The following NAPB variants were observed in gnomAD, a reference collection of about 807,000 sequenced individuals.
NAPB encodes the protein beta-soluble NSF attachment protein.
NAPB carries 26 observed loss-of-function variants against 44.7 expected under a neutral mutation model. The ratio of observed to expected loss-of-function variants is 0.58; its 90% confidence interval spans 0.43 to 0.81. NAPB has a LOEUF of 0.81. Among genes scored for constraint, NAPB ranks in the 30% least tolerant of loss-of-function variants. The pLI is 0.00. For synonymous variants in NAPB, 120 were observed against 116.8 expected (o/e 1.03, Z -0.18); for missense variants, 315 against 356.4 (o/e 0.88, Z 0.94).
chr20:23,408,704 C>T (rs980831205), intron 1 of NAPB, among the ~76,000 whole-genome samples: 7 of 152,056 alleles, frequency 4.6e-5, no homozygotes, highest in Non-Finnish European at 7.4e-5. Flanking sequence ...AGATTTCTTC[C>T]GTGGAGGAGA....
intron 7 of NAPB, among the ~76,000 whole-genome samples, chr20:23,389,241 A>AC (rs1191088469): frequency 2.0e-5 from 3 of 151,400 alleles, no homozygotes; most frequent in East Asian, 1.9e-4. Context: ...TAAAAAAAAA[A>AC]AAAAAAAAAA....
chr20:23,397,286 TGAAA>T, intron 2 of NAPB, 98 bp from the exon 3 acceptor site: 1 of 1,382,474 alleles, frequency 7.2e-7, no homozygotes, highest in Non-Finnish European at 9.6e-7. Context: ...TATATTCCAC[TGAAA>T]AGAAGCATTC....
At chr20:23,381,145 G>A in intron 8 of NAPB, 68 bp downstream of exon 8, 1 of 1,058,342 alleles carries the variant, frequency 9.4e-7, no homozygotes, top group East Asian at 2.4e-5. Context: ...ATGATACCAA[G>A]AACAAGAGAG....
chr20:23,379,374 A>T (rs972298194), intron 10 of NAPB, 71 bp downstream of exon 10: 1 of 1,197,626 alleles, frequency 8.3e-7, no homozygotes, highest in African/African-American at 1.5e-5. Context: ...AATTCACATA[A>T]TGAAAAGGAA....
At chr20:23,407,176 A>C (rs537576937) in intron 1 of NAPB, among the ~76,000 whole-genome samples, 1 of 152,332 alleles carries the variant, frequency 6.6e-6, no homozygotes, top group East Asian at 1.9e-4. Flanking sequence ...ATTTGTCATA[A>C]ACTGACCATA....
At chr20:23,415,792 C>A (rs1985967099) in intron 1 of NAPB, among the ~76,000 whole-genome samples, 1 of 152,072 alleles carries the variant, frequency 6.6e-6, no homozygotes, top group African/African-American at 2.4e-5. Flanking sequence ...CATAGCAAGA[C>A]CCTGTCTCTA....
intron 4 of NAPB, 65 bp from the exon 5 acceptor site, chr20:23,395,064 A>G: frequency 6.2e-7 from 1 of 1,612,696 alleles, no homozygotes; most frequent in South Asian, 1.1e-5. Flanking sequence ...GTTTGGGAAC[A>G]TAAAAAAGAA....
chr20:23,391,759 C>T (rs142334357), intron 5 of NAPB, among the ~76,000 whole-genome samples: 154 of 152,320 alleles, frequency 1.0e-3, no homozygotes, highest in Middle Eastern at 3.4e-3. Flanking sequence ...TTTTACACGT[C>T]GCAAAATGCT....
intron 1 of NAPB, among the ~76,000 whole-genome samples, chr20:23,403,530 G>A (rs959758162): frequency 6.7e-6 from 1 of 148,470 alleles, no homozygotes; most frequent in Non-Finnish European, 1.5e-5. Flanking sequence ...TTGAACCTGG[G>A]AGGCAGAGGT....
chr20:23,412,423 G>T (rs544629124), intron 1 of NAPB, among the ~76,000 whole-genome samples: 1 of 152,146 alleles, frequency 6.6e-6, no homozygotes, highest in South Asian at 2.1e-4. Context: ...GTAGAATTTG[G>T]GCTCAAAGGC....
intron 5 of NAPB, among the ~76,000 whole-genome samples, chr20:23,391,894 A>G (rs1983987489): frequency 6.6e-6 from 1 of 152,246 alleles, no homozygotes; most frequent in African/African-American, 2.4e-5. Context: ...TGAGGGAGCT[A>G]GCAGTCTCTG....
chr20:23,399,633 G>C (rs1984678841), intron 2 of NAPB, among the ~76,000 whole-genome samples: 1 of 152,226 alleles, frequency 6.6e-6, no homozygotes, highest in Non-Finnish European at 1.5e-5. Context: ...AACTGAAGAA[G>C]CCCTGCTGGC....
At position 23,421,323 on chromosome 20, in the gene NAPB, A is replaced by G. The variant is rs1320057089; in HGVS notation, c.80T>C (p.Phe27Ser). Residue 27 changes from phenylalanine (F) to serine (S), a missense_variant, in exon 1 of 11, where the codon TTC becomes TCC. Physicochemically the swap from Phe to Ser is radical, Grantham distance 155. Coordinates refer to ENST00000377026, the MANE Select transcript of NAPB (RefSeq NM_022080.3). ...CGCTCACCCAAACAGCCCTCGGAGG[A>G]AGGAGTGGGAGGCCTTGACTCGCTT... ...AEKRVKASHS[F>S]LRGLFGGNTR... 3.8e-6 allele frequency: 6 copies of G among 1,563,060 alleles called. No homozygotes were observed. In the Admixed American group the frequency reaches 9.3e-5, roughly 24 times the overall value.
intron 1 of NAPB, among the ~76,000 whole-genome samples, chr20:23,415,284 G>A (rs1432979881): frequency 6.6e-6 from 1 of 152,142 alleles, no homozygotes; most frequent in African/African-American, 2.4e-5. Context: ...AAGACTCAGA[G>A]AACTTTACTT....
chr20:23,376,785 T>C lies in NAPB; in HGVS notation c.*591A>G, dbSNP rs774644467. ...GAAAGCTCCCTTCCTCACAATGTGA[T>C]GCCTACAGACCCTGGCTATTCTAAA... On this transcript the variant is annotated 3_prime_UTR_variant, in exon 11 of 11. Coordinates refer to ENST00000377026, the MANE Select transcript of NAPB (RefSeq NM_022080.3). 1 of 152,236 alleles carries C rather than the reference T, an allele frequency of 6.6e-6. No individual in the cohort carries two copies. The highest frequency in any genetic ancestry group is 1.5e-5 in the Non-Finnish European group (1 of 68,056). 9.4% of individuals were successfully genotyped at this position (152,236 alleles called of 1,614,324 possible).
chr20:23,417,178 G>A (rs550470179), intron 1 of NAPB, among the ~76,000 whole-genome samples: 19 of 150,478 alleles, frequency 1.3e-4, no homozygotes, highest in African/African-American at 4.7e-4. Flanking sequence ...CCACCTCCAA[G>A]GTTCAAGTGA....
intron 1 of NAPB, among the ~76,000 whole-genome samples, chr20:23,408,916 T>A (rs1011114764): frequency 1.3e-5 from 2 of 152,332 alleles, no homozygotes; most frequent in Middle Eastern, 3.4e-3. Flanking sequence ...ACTATTTTTT[T>A]AAAAAGGTAG....
chr20:23,378,588 C>A (rs1411618358), intron 10 of NAPB, among the ~76,000 whole-genome samples: 4 of 147,490 alleles, frequency 2.7e-5, no homozygotes, highest in African/African-American at 9.9e-5. Context: ...ATTACAGGCA[C>A]ACTCCACCAT....
intron 1 of NAPB, among the ~76,000 whole-genome samples, chr20:23,418,389 G>C (rs898309530): frequency 3.9e-5 from 6 of 152,168 alleles, no homozygotes; most frequent in Admixed American, 1.3e-4. Context: ...GATGATACAT[G>C]CCATCTATAA....
Sources: allele counts gnomAD v4.1 joint callset (sites outside exome capture counted in the v4.1 genomes callset), GRCh38; gene constraint gnomAD v4.1.1; transcripts MANE v1.5; gene names NCBI Gene and HGNC (gene_info 2026-07-23, HGNC 2026-07-21).